Variants in SIAE observed in about 807,000 individuals in gnomAD.
SIAE encodes the protein sialic acid acetylesterase, also known as sialate O-acetylesterase.
Under a neutral mutation model 52.6 loss-of-function variants are expected in SIAE, and 39 were observed. That is an observed-to-expected ratio of 0.74 (90% CI 0.57 to 0.97). The LOEUF is 0.97. Among genes scored for constraint, SIAE ranks in the 50% least tolerant of loss-of-function variants. SIAE has a pLI of 0.00. For synonymous variants in SIAE, 233 were observed against 241.4 expected (o/e 0.97, Z 0.32); for missense variants, 592 against 662.1 (o/e 0.89, Z 1.16).
At chr11:124,673,385 C>T (rs1338718493) in intron 1 of SIAE, among the ~76,000 whole-genome samples, 1 of 152,224 alleles carries the variant, frequency 6.6e-6, no homozygotes, top group South Asian at 2.1e-4. Flanking sequence ...CCCACTCAGA[C>T]AAGCCGCACT....
intron 7 of SIAE, among the ~76,000 whole-genome samples, chr11:124,643,153 G>T (rs772847245): frequency 3.3e-5 from 5 of 152,202 alleles, no homozygotes; most frequent in Non-Finnish European, 7.3e-5. Flanking sequence ...AACTAAAACA[G>T]CAGGAAAAGA....
chr11:124,647,356 A>G lies in SIAE; in HGVS notation c.966+9T>C, dbSNP rs1323627581. 7 of 1,614,008 alleles carry G rather than the reference A, an allele frequency of 4.3e-6. No individual in the cohort carries two copies. The highest frequency in any genetic ancestry group is 5.9e-6 in the Non-Finnish European group (7 of 1,180,018). ...GACATGAACAGAGAAGCCTTTACCC[A>G]CATCGTACCTGGACAAGTCCAAATG... On this transcript the variant is annotated intron_variant, in intron 7 of 9. Transcript: ENST00000263593.
chr11:124,673,282 A>T (rs1414501194), intron 1 of SIAE, among the ~76,000 whole-genome samples: 1 of 152,188 alleles, frequency 6.6e-6, no homozygotes, highest in African/African-American at 2.4e-5. Flanking sequence ...CTGTTTCCAA[A>T]TATTACCTAA....
At chr11:124,648,741 C>T (rs1332719474) in intron 5 of SIAE, among the ~76,000 whole-genome samples, 1 of 151,956 alleles carries the variant, frequency 6.6e-6, no homozygotes, top group African/African-American at 2.4e-5. Flanking sequence ...GTAGCTGCTG[C>T]GTGTGAGAAG....
At chr11:124,673,570 C>T (rs1412212000) in intron 1 of SIAE, 72 bp downstream of exon 1, 1 of 1,518,910 alleles carries the variant, frequency 6.6e-7, no homozygotes, top group Non-Finnish European at 9.0e-7. Flanking sequence ...ATCCGTGTCC[C>T]GCAGAGGACA....
chr11:124,647,548 G>A (rs965987941), intron 6 of SIAE, 50 bp from the exon 7 acceptor site: 20 of 1,605,860 alleles, frequency 1.2e-5, no homozygotes, highest in African/African-American at 4.0e-5. Flanking sequence ...CTGCAAAAAT[G>A]ACCACACATT....
rs1030601894 is a variant in SIAE at position 124,636,778 on chromosome 11, T to A, written c.*173A>T. On this transcript the variant is annotated 3_prime_UTR_variant, in exon 10 of 10. Coordinates refer to ENST00000263593, the MANE Select transcript of SIAE (RefSeq NM_170601.5). ...GGAACAAAAAGCAAGCATTTCAAGTTACCTATAAGCCTGGGCTCATCAGAA... is the reference window on the plus strand; with the variant it reads ...GGAACAAAAAGCAAGCATTTCAAGTAACCTATAAGCCTGGGCTCATCAGAA... 5 of 892,998 alleles carry A rather than the reference T, an allele frequency of 5.6e-6. No homozygotes were observed. In the African/African-American group the frequency reaches 6.8e-5, roughly 12 times the overall value. The allele number at this position is 892,998 out of a possible 1,614,324, so 55.3% of individuals were successfully genotyped here.
rs1942925494 is a variant in SIAE, at chr11:124,645,906, A to G, written c.966+1459T>C. 6.6e-6 allele frequency among the ~76,000 whole-genome samples: 1 copy of G among 152,206 alleles called. No homozygotes were observed. Among genetic ancestry groups the G allele is most frequent in the South Asian group, 2.1e-4 (1 of 4,834 alleles). On this transcript the variant is annotated intron_variant, in intron 7 of 9. Coordinates refer to ENST00000263593, the MANE Select transcript of SIAE (RefSeq NM_170601.5). The surrounding 1 kb of genome is among the most constrained non-coding windows in gnomAD (Gnocchi z 4.7). Reference sequence around the variant, plus strand: ...TGAGAAGGTCTATACAAATATTCAAAAGAAGGTACAGTGAAAAGGACAAGG... The same window carrying G: ...TGAGAAGGTCTATACAAATATTCAAGAGAAGGTACAGTGAAAAGGACAAGG...
At chr11:124,675,295 C>G (rs149627407), upstream of SIAE, 2 of 1,613,888 alleles carry the variant, frequency 1.2e-6, no homozygotes, top group African/African-American at 2.7e-5. Context: ...CACCCACTAC[C>G]GAATTCCACA....
intron 2 of SIAE, among the ~76,000 whole-genome samples, chr11:124,664,078 A>G (rs924658891): frequency 2.0e-5 from 3 of 152,034 alleles, no homozygotes; most frequent in Non-Finnish European, 2.9e-5. Context: ...TCCTTCCTTC[A>G]TTATACAGCT....
At chr11:124,647,535 A>G (rs1942957553) in intron 6 of SIAE, 37 bp from the exon 7 acceptor site, 4 of 1,612,920 alleles carry the variant, frequency 2.5e-6, no homozygotes, top group Middle Eastern at 1.7e-4. Flanking sequence ...AGTTTGGAGT[A>G]GACTGCAAAA....
At chr11:124,653,196 C>G (rs961765848) in intron 4 of SIAE, among the ~76,000 whole-genome samples, 11 of 152,170 alleles carry the variant, frequency 7.2e-5, no homozygotes, top group African/African-American at 2.7e-4. Flanking sequence ...TTTCAGAGTT[C>G]CCTTACACTA....
chr11:124,660,837 A>G (rs1943177370), intron 2 of SIAE, 34 bp from the exon 3 acceptor site: 1 of 1,610,146 alleles, frequency 6.2e-7, no homozygotes, highest in South Asian at 1.1e-5. Flanking sequence ...GGAATTAATC[A>G]ATCAATTAAA....
intron 1 of SIAE, among the ~76,000 whole-genome samples, chr11:124,671,979 C>T (rs1240231166): frequency 4.0e-5 from 6 of 149,836 alleles, no homozygotes; most frequent in African/African-American, 1.2e-4. Flanking sequence ...GGTTTCACTA[C>T]GTTGGCCAGG....
chr11:124,669,937 T>C (rs1943325475), intron 1 of SIAE, among the ~76,000 whole-genome samples: 2 of 152,006 alleles, frequency 1.3e-5, no homozygotes, highest in Admixed American at 1.3e-4. Flanking sequence ...TACTTTCCAT[T>C]ACCACACCTG....
rs1943331087 is a variant in SIAE at position 124,670,223 on chromosome 11, G to C, written c.68-702C>G. ...TGAGAGATAGAAGGTCAACATGTCT[G>C]AACAAAGGTCTTCTGTCACAATTTT... On this transcript the variant is annotated intron_variant, in intron 1 of 9. Coordinates refer to ENST00000263593, the MANE Select transcript of SIAE (RefSeq NM_170601.5). The surrounding 1 kb of genome is among the most constrained non-coding windows in gnomAD (Gnocchi z 4.5). Among the ~76,000 whole-genome samples the C allele has an allele frequency of 6.6e-6, 1 of 152,124 alleles. No individual in the cohort carries two copies. The highest frequency in any genetic ancestry group is 2.4e-5 in the African/African-American group (1 of 41,428).
intron 4 of SIAE, among the ~76,000 whole-genome samples, chr11:124,651,680 G>GC (rs1271376961): frequency 6.6e-6 from 1 of 152,144 alleles, no homozygotes; most frequent in African/African-American, 2.4e-5. Context: ...ATCCTAAAAG[G>GC]CCTAATAAAC....
At chr11:124,669,777 C>T (rs186545544) in intron 1 of SIAE, among the ~76,000 whole-genome samples, 2 of 152,314 alleles carry the variant, frequency 1.3e-5, no homozygotes, top group East Asian at 3.9e-4. Flanking sequence ...ACCAATGGAC[C>T]ATAGTCTTCC....
At chr11:124,639,915 T>G (rs368421865) in intron 7 of SIAE, 48 bp from the exon 8 acceptor site, 4 of 1,604,522 alleles carry the variant, frequency 2.5e-6, no homozygotes, top group Admixed American at 1.7e-5. Flanking sequence ...AATCCCACAC[T>G]GGAGTCTTTT....
Sources: gnomAD v4.1 joint callset for allele counts (sites outside exome capture counted in the v4.1 genomes callset) on GRCh38, gnomAD v4.1.1 for gene constraint, Gnocchi (gnomAD v3.1) non-coding constraint, MANE v1.5 for transcripts, NCBI Gene and HGNC (gene_info 2026-07-23, HGNC 2026-07-21) for gene names.